TOM1L2: variants seen among roughly 807,000 people sequenced by gnomAD.
TOM1L2 encodes target of myb1 like 2 membrane trafficking protein, also known as TOM1-like protein 2.
In TOM1L2, 31 loss-of-function variants were observed where a neutral mutation model predicts 67.9. The observed-to-expected ratio is 0.46, with a 90% CI of 0.34 to 0.62. TOM1L2 has a LOEUF of 0.62. TOM1L2 is among the 20% of genes least tolerant of loss of function. TOM1L2 has a pLI of 0.01. For missense variants in TOM1L2, 606 were observed against 663.5 expected, an observed-to-expected ratio of 0.91 and a Z score of 0.95; for synonymous variants, 256 against 254.0, an observed-to-expected ratio of 1.01 and a Z score of -0.07.
intron 2 of TOM1L2, among the ~76,000 whole-genome samples, chr17:17,899,562 C>T (rs2038743589): frequency 6.6e-6 from 1 of 152,208 alleles, no homozygotes; most frequent in Admixed American, 6.5e-5. Context: ...ACATGTAGGT[C>T]TTGTGTCTAA....
intron 13 of TOM1L2, among the ~76,000 whole-genome samples, chr17:17,849,463 A>G (rs558438787): frequency 6.6e-6 from 1 of 152,350 alleles, no homozygotes; most frequent in Admixed American, 6.5e-5. Flanking sequence ...TGGGAGCTGC[A>G]CCAGCCTCCT....
chr17:17,921,041 C>T (rs1406824965), intron 1 of TOM1L2, among the ~76,000 whole-genome samples: 1 of 152,156 alleles, frequency 6.6e-6, no homozygotes, highest in African/African-American at 2.4e-5. Flanking sequence ...TCCAGTTTTT[C>T]CAATAATGCC....
intron 10 of TOM1L2, 83 bp from the exon 11 acceptor site, chr17:17,862,931 C>A: frequency 3.5e-6 from 3 of 845,370 alleles, no homozygotes; most frequent in Non-Finnish European, 5.5e-6. Context: ...GCTAGGACGC[C>A]AGCCAGGTGG....
At chr17:17,852,047 T>G (rs1309594003) in intron 12 of TOM1L2, among the ~76,000 whole-genome samples, 1 of 152,236 alleles carries the variant, frequency 6.6e-6, no homozygotes, top group Non-Finnish European at 1.5e-5. Context: ...CCTCCTCACC[T>G]ACCCTGGCTC....
intron 1 of TOM1L2, among the ~76,000 whole-genome samples, chr17:17,967,279 GA>G (rs1272061948): frequency 6.6e-6 from 1 of 152,194 alleles, no homozygotes; most frequent in Non-Finnish European, 1.5e-5. Context: ...ACAATGAAGA[GA>G]ATACATGCCC....
At chr17:17,876,529 G>T (rs1461980301) in intron 7 of TOM1L2, among the ~76,000 whole-genome samples, 1 of 152,176 alleles carries the variant, frequency 6.6e-6, no homozygotes, top group Admixed American at 6.5e-5. Flanking sequence ...GACAGACCAG[G>T]ATCAAAGTTA....
At chr17:17,857,690 C>T in intron 12 of TOM1L2, 1 of 1,292,756 alleles carries the variant, frequency 7.7e-7, no homozygotes, top group Non-Finnish European at 1.1e-6. Context: ...CTCGGCAGGT[C>T]ACAAGAGGAA....
intron 12 of TOM1L2, chr17:17,857,882 C>T (rs1404927894): frequency 1.4e-5 from 21 of 1,529,564 alleles, no homozygotes; most frequent in Non-Finnish European, 1.6e-5. Context: ...ACAGCAAGAC[C>T]CATGAGAAAG....
At chr17:17,967,616 T>G (rs1156406011) in intron 1 of TOM1L2, among the ~76,000 whole-genome samples, 1 of 152,226 alleles carries the variant, frequency 6.6e-6, no homozygotes, top group Non-Finnish European at 1.5e-5. Context: ...CTCTTTTTTT[T>G]CTTTTTTGGA....
rs984678339 is a variant in TOM1L2 at position 17,861,494 on chromosome 17, T to C, written c.1260A>G (p.Arg420=). The C allele has an allele frequency of 7.3e-5, 118 of 1,613,944 alleles. No homozygotes were observed. Among genetic ancestry groups the C allele is most frequent in the Non-Finnish European group, 9.6e-5 (113 of 1,179,996 alleles). The change falls in exon 12 of 15, where the codon CGA becomes CGG. Residue 420 remains arginine, a synonymous_variant. Coordinates refer to ENST00000379504, the MANE Select transcript of TOM1L2 (RefSeq NM_001082968.2). ...GACCTACCCCTTCTGAACTCTGTTT[T>C]CGATTGTCTAGTGCAGAAGCAAGTC... The part of the protein sequence containing the change: ...VGGLASALDN[R]KQSSEGIPVA...
At chr17:17,928,164 A>T (rs2040173791) in intron 1 of TOM1L2, among the ~76,000 whole-genome samples, 1 of 151,366 alleles carries the variant, frequency 6.6e-6, no homozygotes, top group African/African-American at 2.5e-5. Context: ...AACAACAAAA[A>T]AAATCAGTAG....
At chr17:17,884,549 A>AGGCAGCAGCAGAAGGGTGGC in intron 5 of TOM1L2, 85 bp downstream of exon 5, 1 of 1,562,816 alleles carries the variant, frequency 6.4e-7, no homozygotes, top group Admixed American at 1.7e-5. Flanking sequence ...AATAATTCAA[A>AGGCAGCAGCAGAAGGGTGGC]GGCAGCAGCA....
chr17:17,846,816 G>T lies in TOM1L2; in HGVS notation c.*819C>A. The T allele has an allele frequency of 6.5e-6, 1 of 152,718 alleles. No homozygotes were observed. The highest frequency in any genetic ancestry group is 1.5e-5 in the Non-Finnish European group (1 of 68,306). The allele number at this position is 152,718 out of a possible 1,614,324, so 9.5% of individuals were successfully genotyped here. On this transcript the variant is annotated 3_prime_UTR_variant, in exon 15 of 15. Transcript: ENST00000379504. ...CAGTGCAAGTCCCTCCACAAGCCAGGACCAGGTGTGCGGGTGTGAGCCTGC... is the reference window on the plus strand; with the variant it reads ...CAGTGCAAGTCCCTCCACAAGCCAGTACCAGGTGTGCGGGTGTGAGCCTGC...
Position 17,957,738 on chromosome 17 carries a change from T to TAC in TOM1L2, c.52+14522_52+14523dup, listed in dbSNP as rs779887079. The stretch of plus-strand genomic sequence containing the variant: ...GTATATACTTACATATCACAGGCTA[T>TAC]ACACACACACACGTACACACACATA... On this transcript the variant is annotated intron_variant, in intron 1 of 14. Transcript: ENST00000379504. Among the ~76,000 whole-genome samples, 21 of 151,604 alleles carry TAC rather than the reference T, an allele frequency of 1.4e-4. 1 individual carries two copies. Among genetic ancestry groups the TAC allele is most frequent in the Admixed American group, 1.3e-3 (20 of 15,198 alleles).
intron 13 of TOM1L2, among the ~76,000 whole-genome samples, chr17:17,849,137 G>A (rs1459441808): frequency 6.6e-6 from 1 of 152,220 alleles, no homozygotes; most frequent in Non-Finnish European, 1.5e-5. Context: ...TCCAAAAACG[G>A]TGCAGGCTGG....
chr17:17,938,318 T>G (rs1275871286), intron 1 of TOM1L2, among the ~76,000 whole-genome samples: 1 of 152,242 alleles, frequency 6.6e-6, no homozygotes, highest in East Asian at 1.9e-4. Flanking sequence ...GGGTGCCTGC[T>G]GTGCCTAAGA....
intron 1 of TOM1L2, among the ~76,000 whole-genome samples, chr17:17,968,199 T>C (rs2041936195): frequency 6.6e-6 from 1 of 152,194 alleles, no homozygotes; most frequent in Admixed American, 6.5e-5. Context: ...TTGTTAATAT[T>C]TGTATCCCCA....
chr17:17,949,094 T>G (rs2041075241), intron 1 of TOM1L2, among the ~76,000 whole-genome samples: 1 of 152,044 alleles, frequency 6.6e-6, no homozygotes, highest in Non-Finnish European at 1.5e-5. Flanking sequence ...CTTAATTGAG[T>G]GTTCTCAGGG....
At chr17:17,944,017 A>C (rs1223761252) in intron 1 of TOM1L2, among the ~76,000 whole-genome samples, 1 of 152,214 alleles carries the variant, frequency 6.6e-6, no homozygotes, top group African/African-American at 2.4e-5. Context: ...CTCTCAGTGC[A>C]TGCTGCTACA....
Sources: allele counts gnomAD v4.1 joint callset (sites outside exome capture counted in the v4.1 genomes callset), GRCh38; gene constraint gnomAD v4.1.1; transcripts MANE v1.5; gene names NCBI Gene and HGNC (gene_info 2026-07-23, HGNC 2026-07-21).